TOGARAM2: variants seen among roughly 807,000 people sequenced by gnomAD.
TOGARAM2 encodes the protein TOG array regulator of axonemal microtubules protein 2.
A neutral mutation model predicts 93.3 loss-of-function variants in TOGARAM2; 85 were observed. The observed-to-expected ratio is 0.91, with a 90% CI of 0.76 to 1.09. The LOEUF is 1.09. TOGARAM2 is among the 50% of genes least tolerant of loss of function. The probability of loss-of-function intolerance (pLI) is 0.00; values close to 1 mark genes in which losing one functional copy is unlikely to be tolerated. For missense variants in TOGARAM2, 1,277 were observed against 1,334.5 expected, an observed-to-expected ratio of 0.96 and a Z score of 0.67; for synonymous variants, 593 against 552.8, an observed-to-expected ratio of 1.07 and a Z score of -1.02.
At chr2:28,983,958 C>T (rs1385837596) in intron 1 of TOGARAM2, among the ~76,000 whole-genome samples, 17 of 152,208 alleles carry the variant, frequency 1.1e-4, no homozygotes, top group Non-Finnish European at 2.9e-5. Flanking sequence ...TGTTGGGTGC[C>T]TCCCTTCCTC....
intron 10 of TOGARAM2, 27 bp downstream of exon 10, chr2:29,017,983 C>A: frequency 6.4e-7 from 1 of 1,567,306 alleles, no homozygotes; most frequent in Admixed American, 1.8e-5. Context: ...GGCAGGCACA[C>A]GTGTCCCTCT....
At chr2:28,967,430 G>A (rs375668461) in intron 1 of TOGARAM2, among the ~76,000 whole-genome samples, 8 of 152,164 alleles carry the variant, frequency 5.3e-5, no homozygotes, top group African/African-American at 1.7e-4. Context: ...AGCTGTGATC[G>A]CACCACTGCA....
In TOGARAM2 at chr2:29,003,583, G is replaced by T; in HGVS notation, c.731G>T (p.Arg244Met). The change falls in exon 6 of 20, where the codon AGG becomes ATG. Residue 244 changes from arginine (R) to methionine (M), a missense_variant. By Grantham distance (91) the Arg-to-Met change is moderately conservative. Coordinates refer to ENST00000379558, the MANE Select transcript of TOGARAM2 (RefSeq NM_199280.4). The part of the protein sequence containing the change: ...AIVIPPIPKA[R>M]TVAATPSRVP... ...GTGATCCCACCCATCCCAAAGGCCA[G>T]GACGGTTGCAGCGACCCCCTCCCGT... 1 of 1,596,596 alleles carries T rather than the reference G, an allele frequency of 6.3e-7. No homozygotes were observed. The highest frequency in any genetic ancestry group is 1.1e-5 in the South Asian group (1 of 87,720).
intron 4 of TOGARAM2, among the ~76,000 whole-genome samples, chr2:29,000,770 C>T (rs1431744530): frequency 6.6e-6 from 1 of 152,038 alleles, no homozygotes; most frequent in Non-Finnish European, 1.5e-5. Flanking sequence ...CCCGGGGAGC[C>T]CAGGACAATG....
intron 6 of TOGARAM2, among the ~76,000 whole-genome samples, chr2:29,008,139 G>GT (rs1248958434): frequency 6.6e-6 from 1 of 151,766 alleles, no homozygotes; most frequent in South Asian, 2.1e-4. Flanking sequence ...TTATTTATTT[G>GT]TTTTTTATTT....
intron 19 of TOGARAM2, 171 bp downstream of exon 19, chr2:29,045,581 A>G (rs1309952835): frequency 1.6e-6 from 1 of 638,874 alleles, no homozygotes; most frequent in Admixed American, 2.6e-5. Flanking sequence ...TATTGCCAGA[A>G]GACAATCTTT....
intron 16 of TOGARAM2, 149 bp downstream of exon 16, chr2:29,033,712 A>G (rs2148372831): frequency 1.5e-6 from 1 of 672,898 alleles, no homozygotes; most frequent in East Asian, 2.9e-5. Context: ...TAATAGATGA[A>G]TTTGCAGGAT....
intron 19 of TOGARAM2, chr2:29,051,522 C>T: frequency 2.6e-6 from 1 of 387,254 alleles, no homozygotes. Context: ...ATTATAGTTT[C>T]TGACTGGTTG....
intron 1 of TOGARAM2, among the ~76,000 whole-genome samples, chr2:28,962,077 C>T (rs1266586688): frequency 6.6e-6 from 1 of 151,976 alleles, no homozygotes; most frequent in Non-Finnish European, 1.5e-5. Context: ...AAAAAATCAT[C>T]ATTAAGGAAG....
intron 18 of TOGARAM2, among the ~76,000 whole-genome samples, 191 bp from the exon 19 acceptor site, chr2:29,045,133 C>T (rs1204626672): frequency 6.6e-6 from 1 of 152,194 alleles, no homozygotes; most frequent in Non-Finnish European, 1.5e-5. Flanking sequence ...CTCTTTCAGG[C>T]CACTGATTCT....
At position 29,005,768 on chromosome 2, in the gene TOGARAM2, CAT is replaced by C. The variant is rs369011341; in HGVS notation, c.830+2087_830+2088del. On this transcript the variant is annotated intron_variant, in intron 6 of 19. Transcript: ENST00000379558. The stretch of plus-strand genomic sequence containing the variant: ...ATGTGTGTATGTGTGTGTGTGAGTA[CAT>C]GTGTGGAGTATCTGTGTGTGCATGT... 7.2e-4 allele frequency among the ~76,000 whole-genome samples: 53 copies of C among 73,378 alleles called. 11 individuals are homozygous for C. Among genetic ancestry groups the C allele is most frequent in the Admixed American group, 4.0e-3 (25 of 6,208 alleles). 48.1% of individuals were successfully genotyped at this position (73,378 alleles called of 152,430 possible).
At chr2:29,025,970 G>C (rs897813591) in intron 13 of TOGARAM2, among the ~76,000 whole-genome samples, 1 of 152,150 alleles carries the variant, frequency 6.6e-6, no homozygotes, top group African/African-American at 2.4e-5. Flanking sequence ...AGCACCAGGG[G>C]CCTGGGGCGG....
chr2:29,004,548 AT>A (rs1482519602), intron 6 of TOGARAM2, among the ~76,000 whole-genome samples: 1 of 152,210 alleles, frequency 6.6e-6, no homozygotes, highest in African/African-American at 2.4e-5. Context: ...GTCCAGAGTG[AT>A]GTCAGAGCAC....
At chr2:29,024,093 C>G in intron 12 of TOGARAM2, 46 bp from the exon 13 acceptor site, 1 of 1,511,736 alleles carries the variant, frequency 6.6e-7, no homozygotes, top group Non-Finnish European at 9.0e-7. Flanking sequence ...TCCCAGAGCC[C>G]TTGGCAGGGT....
intron 19 of TOGARAM2, chr2:29,047,717 C>T (rs1167301519): frequency 6.6e-6 from 1 of 152,254 alleles, no homozygotes; most frequent in African/African-American, 2.4e-5. Context: ...TTAGCCAAGA[C>T]GTGATCAGAG....
rs578163071 is a variant in TOGARAM2 at position 28,990,456 on chromosome 2, G to T, written c.-110-4269G>T. 2.0e-5 allele frequency among the ~76,000 whole-genome samples: 3 copies of T among 152,240 alleles called. No homozygotes were observed. The South Asian group carries it at 6.2e-4, about 32-fold the overall frequency. Reference sequence around the variant, plus strand: ...TCACAGAGCATTCTGGGTCTCCCCCGATGGCCCTCATCCCGCTCCCCGGGC... The same window carrying T: ...TCACAGAGCATTCTGGGTCTCCCCCTATGGCCCTCATCCCGCTCCCCGGGC... On this transcript the variant is annotated intron_variant, in intron 1 of 19. Coordinates refer to ENST00000379558, the MANE Select transcript of TOGARAM2 (RefSeq NM_199280.4).
Position 29,035,594 on chromosome 2 carries a change from G to C in TOGARAM2, c.2356G>C (p.Val786Leu). 1 of 1,587,632 alleles carries C rather than the reference G, an allele frequency of 6.3e-7. No individual in the cohort carries two copies. Among genetic ancestry groups the C allele is most frequent in the Non-Finnish European group, 8.6e-7 (1 of 1,166,440 alleles). Reference protein sequence around the residue: ...AKDFRSRMEGVGQLLELCKAK... With the variant: ...AKDFRSRMEGLGQLLELCKAK... ...GGACTTCCGGTCCCGGATGGAAGGC[G>C]TGGGGCAGCTCCTGGAGCTCTGCAA... Residue 786 changes from valine to leucine, a missense_variant, in exon 17 of 20, where the codon GTG becomes CTG. Transcript: ENST00000379558.
chr2:29,004,954 ATGTGTATG>A (rs1558421098), intron 6 of TOGARAM2, among the ~76,000 whole-genome samples: 1,433 of 118,188 alleles, frequency 0.012, 36 homozygotes, highest in African/African-American at 0.043. Flanking sequence ...ATGTGTGTGC[ATGTGTATG>A]TGTGTGAGTG....
At chr2:28,989,703 C>T (rs752229246) in intron 1 of TOGARAM2, among the ~76,000 whole-genome samples, 3 of 151,946 alleles carry the variant, frequency 2.0e-5, no homozygotes, top group Non-Finnish European at 4.4e-5. Flanking sequence ...CCATGCCCAG[C>T]CAATTTTTGT....
Sources: gnomAD v4.1 joint callset for allele counts (sites outside exome capture counted in the v4.1 genomes callset) on GRCh38, gnomAD v4.1.1 for gene constraint, MANE v1.5 for transcripts, NCBI Gene and HGNC (gene_info 2026-07-23, HGNC 2026-07-21) for gene names.